The following PMM2 variants were observed in gnomAD, a reference collection of about 807,000 sequenced individuals.
The protein encoded by PMM2 is mannose-6-phosphate isomerase.
In PMM2, 35 loss-of-function variants were observed where a neutral mutation model predicts 33.2. That is an observed-to-expected ratio of 1.06 (90% confidence interval 0.81 to 1.40). The LOEUF (loss-of-function observed/expected upper bound fraction) is 1.40. Ranked by LOEUF, PMM2 falls within the 40% of genes most tolerant of loss-of-function variation. The probability of loss-of-function intolerance (pLI) is 0.00; values close to 1 mark genes in which losing one functional copy is unlikely to be tolerated. For synonymous variants in PMM2, 153 were observed against 114.7 expected (o/e 1.33, Z -2.13); for missense variants, 386 against 306.0 (o/e 1.26, Z -1.95).
chr16:8,842,491 C>G (rs558362019), intron 7 of PMM2: 16 of 152,310 alleles, frequency 1.1e-4, no homozygotes, highest in African/African-American at 3.6e-4. Context: ...GCTGCTGGGA[C>G]TGATGGGTGT....
intron 7 of PMM2, chr16:8,832,672 C>G (rs1027017204): frequency 2.0e-5 from 20 of 985,306 alleles, no homozygotes; most frequent in Non-Finnish European, 2.3e-5. Flanking sequence ...GTCCTCACCC[C>G]GCACCCGTTC....
rs150719105 is a variant in PMM2 at position 8,811,161 on chromosome 16, T to C, written c.430T>C (p.Phe144Leu). ...RSCSQEERIE[F>L]YELDKKENIR... ...CTGCAGCCAAGAAGAACGCATTGAG[T>C]TCTACGAACTCGATAAAGTACGTCT... Residue 144 changes from phenylalanine (F) to leucine (L), a missense_variant, in exon 5 of 8, where the codon TTC (phenylalanine) becomes CTC (leucine). By Grantham distance (22) the Phe-to-Leu change is conservative. Coordinates refer to ENST00000268261, the MANE Select transcript of PMM2 (RefSeq NM_000303.3). The C allele has an allele frequency of 3.4e-5, 53 of 1,566,774 alleles. No homozygotes were observed. The East Asian group carries it at 1.1e-3, about 34-fold the overall frequency.
chr16:8,820,930 G>A (rs1567162788), intron 7 of PMM2, among the ~76,000 whole-genome samples: 1 of 152,194 alleles, frequency 6.6e-6, no homozygotes, highest in Admixed American at 6.5e-5. Flanking sequence ...TCATTAGAGC[G>A]TGAATTAGTG....
intron 7 of PMM2, among the ~76,000 whole-genome samples, chr16:8,838,786 G>A (rs973349536): frequency 7.9e-5 from 12 of 152,016 alleles, no homozygotes; most frequent in East Asian, 1.9e-4. Flanking sequence ...GGGGTTCAGC[G>A]TAATTACTTG....
At position 8,849,293 on chromosome 16, in the gene PMM2, T is replaced by C. The variant is rs2141053279; in HGVS notation, c.*1468T>C. 1 of 152,390 alleles carries C rather than the reference T, an allele frequency of 6.6e-6. No homozygotes were observed. The highest frequency in any genetic ancestry group is 1.9e-4 in the East Asian group (1 of 5,184). The allele number at this position is 152,390 out of a possible 1,614,324, so 9.4% of individuals were successfully genotyped here. Reference sequence around the variant, plus strand: ...ATGATACTGTAATGACCTTCCAAAGTGAAGAGTAGCACATTAAAGTGATTT... The same window carrying C: ...ATGATACTGTAATGACCTTCCAAAGCGAAGAGTAGCACATTAAAGTGATTT... On this transcript the variant is annotated 3_prime_UTR_variant, in exon 8 of 8. Coordinates refer to ENST00000268261, the MANE Select transcript of PMM2 (RefSeq NM_000303.3).
intron 7 of PMM2, among the ~76,000 whole-genome samples, chr16:8,838,439 GTTGAAGTA>G (rs1290485486): frequency 6.6e-6 from 1 of 151,920 alleles, no homozygotes; most frequent in Non-Finnish European, 1.5e-5. Context: ...ATAAAATAGT[GTTGAAGTA>G]TTGGGGCGGT....
intron 7 of PMM2, among the ~76,000 whole-genome samples, chr16:8,826,590 C>T (rs1485837723): frequency 6.6e-6 from 1 of 152,122 alleles, no homozygotes; most frequent in Admixed American, 6.6e-5. Flanking sequence ...CATCAATAAT[C>T]TTTAAAACTA....
At chr16:8,817,359 C>A (rs897540956) in intron 7 of PMM2, among the ~76,000 whole-genome samples, 2 of 152,208 alleles carry the variant, frequency 1.3e-5, no homozygotes, top group African/African-American at 4.8e-5. Flanking sequence ...CACCTAGGAT[C>A]TAAGGGATGC....
chr16:8,823,257 T>C (rs1169519207), intron 7 of PMM2, among the ~76,000 whole-genome samples: 1 of 152,030 alleles, frequency 6.6e-6, no homozygotes, highest in Non-Finnish European at 1.5e-5. Context: ...TTGCAGGGCC[T>C]CAGGAAAAAG....
chr16:8,821,366 C>T (rs2060738403), intron 7 of PMM2, among the ~76,000 whole-genome samples: 1 of 152,194 alleles, frequency 6.6e-6, no homozygotes. Flanking sequence ...GCCCACCTTC[C>T]TCCTGAGTGC....
chr16:8,840,718 C>T (rs1048613121), intron 7 of PMM2, among the ~76,000 whole-genome samples: 6 of 143,490 alleles, frequency 4.2e-5, no homozygotes, highest in South Asian at 2.1e-4. Flanking sequence ...TATTCTGGAA[C>T]GGTGAGCCTA....
chr16:8,808,004 C>T (rs1298813505), intron 4 of PMM2: 1 of 152,248 alleles, frequency 6.6e-6, no homozygotes, highest in East Asian at 1.9e-4. Context: ...CTCATTTTTA[C>T]CCCCAGTTTT....
intron 7 of PMM2, among the ~76,000 whole-genome samples, chr16:8,819,898 G>A (rs544930271): frequency 2.0e-5 from 3 of 152,314 alleles, no homozygotes; most frequent in African/African-American, 7.2e-5. Context: ...CAGAGACTAA[G>A]CTGGGATCTG....
intron 7 of PMM2, among the ~76,000 whole-genome samples, chr16:8,838,922 G>A (rs995323715): frequency 6.6e-5 from 10 of 151,928 alleles, no homozygotes; most frequent in African/African-American, 2.2e-4. Context: ...TTTTTCAACA[G>A]TGAGTAAGCA....
intron 7 of PMM2, among the ~76,000 whole-genome samples, chr16:8,815,293 C>T (rs1162002435): frequency 6.6e-6 from 1 of 150,634 alleles, no homozygotes; most frequent in Non-Finnish European, 1.5e-5. Context: ...CATCTTGGCT[C>T]ACTGCAACCT....
rs773232556 is a variant in PMM2, at chr16:8,847,827, G to C, written c.*2G>C. ...ATCTGTGAACTGCTGTTCTCCTAAC[G>C]TGGGAGCGGGAGGGGCGGGGTCCCG... On this transcript the variant is annotated 3_prime_UTR_variant, in exon 8 of 8. Transcript: ENST00000268261. 3 of 1,608,656 alleles carry C rather than the reference G, an allele frequency of 1.9e-6. No individual in the cohort carries two copies. Among genetic ancestry groups the C allele is most frequent in the Middle Eastern group, 1.7e-4 (1 of 6,060 alleles).
At chr16:8,819,444 G>A (rs757286704) in intron 7 of PMM2, among the ~76,000 whole-genome samples, 1 of 152,154 alleles carries the variant, frequency 6.6e-6, no homozygotes, top group Non-Finnish European at 1.5e-5. Context: ...TGGGGGTGGG[G>A]AGGACAGGAG....
chr16:8,801,958 T>G (rs756977969), intron 2 of PMM2, 48 bp downstream of exon 2: 1 of 1,299,006 alleles, frequency 7.7e-7, no homozygotes, highest in South Asian at 1.2e-5. Context: ...TAACTTCTTA[T>G]GAGGATATTG....
chr16:8,824,565 G>A (rs1567163692), intron 7 of PMM2, among the ~76,000 whole-genome samples: 1 of 151,974 alleles, frequency 6.6e-6, no homozygotes, highest in Non-Finnish European at 1.5e-5. Flanking sequence ...TAAACCCAAA[G>A]AAAGTTAAAC....
Sources: gnomAD v4.1 joint callset for allele counts (sites outside exome capture counted in the v4.1 genomes callset) on GRCh38, gnomAD v4.1.1 for gene constraint, MANE v1.5 for transcripts, NCBI Gene and HGNC (gene_info 2026-07-23, HGNC 2026-07-21) for gene names.